The following DPP10 variants were observed in gnomAD, a reference collection of about 807,000 sequenced individuals.
DPP10 encodes the protein dipeptidyl peptidase like 10, also known as inactive dipeptidyl peptidase 10.
Under a neutral mutation model 120.9 loss-of-function variants are expected in DPP10, and 33 were observed. That is an observed-to-expected ratio of 0.27 (90% CI 0.21 to 0.37). The LOEUF is 0.37. Ranked by LOEUF, DPP10 falls within the 10% of genes least tolerant of loss-of-function variation. The pLI, the probability that DPP10 is intolerant of heterozygous loss-of-function variation, is 1.00. For synonymous variants in DPP10, 337 were observed against 326.1 expected (o/e 1.03, Z -0.36); for missense variants, 816 against 942.8 (o/e 0.87, Z 1.76).
intron 1 of DPP10, among the ~76,000 whole-genome samples, chr2:114,454,842 C>A (rs77838437): frequency 0.044 from 6,771 of 152,190 alleles, 197 homozygotes; most frequent in Middle Eastern, 0.085. Flanking sequence ...CTACCTTCCA[C>A]TATATATTGA....
At chr2:115,328,379 A>G (rs953196024) in intron 2 of DPP10, among the ~76,000 whole-genome samples, 1 of 152,104 alleles carries the variant, frequency 6.6e-6, no homozygotes, top group African/African-American at 2.4e-5. Flanking sequence ...ATGATTGACT[A>G]ATTTGGCTAA....
rs536601698 is a variant in DPP10, at chr2:115,581,327, A to G, written c.441+55355A>G. 3.9e-4 allele frequency among the ~76,000 whole-genome samples: 60 copies of G among 152,294 alleles called. 1 individual carries two copies. The highest frequency in any genetic ancestry group is 1.4e-3 in the African/African-American group (58 of 41,574). On this transcript the variant is annotated intron_variant, in intron 5 of 25. Transcript: ENST00000410059. ...TGCTATTTTCCTAGTATTTTTACAT[A>G]CATTGTTTCATTTTACTTCATAATG... is the stretch of plus-strand genomic sequence containing the variant.
At chr2:115,804,429 C>T (rs191776273) in intron 19 of DPP10, among the ~76,000 whole-genome samples, 12 of 152,346 alleles carry the variant, frequency 7.9e-5, no homozygotes, top group Admixed American at 3.9e-4. Flanking sequence ...CCTCTCTCAA[C>T]TTGTCAAAGT....
At chr2:114,588,511 T>C (rs1482859982) in intron 1 of DPP10, among the ~76,000 whole-genome samples, 2 of 152,178 alleles carry the variant, frequency 1.3e-5, no homozygotes, top group Non-Finnish European at 2.9e-5. Flanking sequence ...AAAGAAGATA[T>C]TGAATATTCC....
At chr2:115,255,805 A>G (rs1559321739) in intron 1 of DPP10, among the ~76,000 whole-genome samples, 1 of 152,208 alleles carries the variant, frequency 6.6e-6, no homozygotes, top group Non-Finnish European at 1.5e-5. Flanking sequence ...TATCACTATC[A>G]GATTTTGGTC....
chr2:115,652,754 C>G (rs1322533704), intron 5 of DPP10, among the ~76,000 whole-genome samples: 1 of 151,278 alleles, frequency 6.6e-6, no homozygotes, highest in East Asian at 1.9e-4. Context: ...TTGATTCAAG[C>G]CTCCATGGAT....
chr2:115,347,430 G>T (rs1055062321), intron 3 of DPP10, among the ~76,000 whole-genome samples: 2 of 152,106 alleles, frequency 1.3e-5, no homozygotes, highest in Non-Finnish European at 2.9e-5. Flanking sequence ...GCAGAGGAAG[G>T]TTAAAATATT....
At chr2:115,532,838 TGA>T (rs1406176903) in intron 5 of DPP10, among the ~76,000 whole-genome samples, 1 of 151,898 alleles carries the variant, frequency 6.6e-6, no homozygotes, top group Non-Finnish European at 1.5e-5. Context: ...TTCAGCATTC[TGA>T]GTCATGTATA....
chr2:115,472,307 G>C (rs2074780389), intron 3 of DPP10, among the ~76,000 whole-genome samples: 1 of 152,124 alleles, frequency 6.6e-6, no homozygotes. Flanking sequence ...AAATTTTGAA[G>C]AGGTCTGTGA....
intron 12 of DPP10, among the ~76,000 whole-genome samples, chr2:115,763,936 A>G (rs1475576039): frequency 6.6e-6 from 1 of 152,146 alleles, no homozygotes; most frequent in East Asian, 1.9e-4. Context: ...GGGACTTCAT[A>G]AGTGCCCTTC....
At chr2:114,634,432 G>A (rs994480773) in intron 1 of DPP10, among the ~76,000 whole-genome samples, 3 of 151,676 alleles carry the variant, frequency 2.0e-5, no homozygotes, top group Non-Finnish European at 2.9e-5. Flanking sequence ...TGAGGCAGAG[G>A]AGTTATTTGC....
chr2:115,409,069 A>G (rs1041441455), intron 3 of DPP10, among the ~76,000 whole-genome samples: 2 of 152,174 alleles, frequency 1.3e-5, no homozygotes, highest in Admixed American at 1.3e-4. Context: ...TAGACTTTTA[A>G]TTAGATTGAC....
intron 2 of DPP10, among the ~76,000 whole-genome samples, chr2:115,341,489 A>T (rs2063444763): frequency 1.3e-5 from 2 of 152,090 alleles, no homozygotes. Flanking sequence ...GTTTGGATTC[A>T]CTTTCCAGTG....
chr2:114,654,925 T>C (rs936169197), intron 1 of DPP10, among the ~76,000 whole-genome samples: 2 of 152,166 alleles, frequency 1.3e-5, no homozygotes, highest in Admixed American at 6.5e-5. Flanking sequence ...CAAAAATGGG[T>C]GTGGAGTTCT....
At chr2:115,347,917 A>G (rs1162249801) in intron 3 of DPP10, among the ~76,000 whole-genome samples, 2 of 152,114 alleles carry the variant, frequency 1.3e-5, no homozygotes, top group Non-Finnish European at 1.5e-5. Flanking sequence ...AGTCTTTGCT[A>G]TTGTGAGTAG....
At chr2:115,380,573 G>A (rs1387115413) in intron 3 of DPP10, among the ~76,000 whole-genome samples, 12 of 151,822 alleles carry the variant, frequency 7.9e-5, no homozygotes, top group African/African-American at 1.9e-4. Flanking sequence ...ATATTGTTAT[G>A]TGTGAATTTG....
At chr2:115,054,084 G>A (rs1298504458) in intron 1 of DPP10, among the ~76,000 whole-genome samples, 1 of 152,144 alleles carries the variant, frequency 6.6e-6, no homozygotes, top group Admixed American at 6.5e-5. Flanking sequence ...GGATAGAGCA[G>A]CTAATATGTT....
At position 114,619,186 on chromosome 2, in the gene DPP10, C is replaced by T. The variant is rs181016797; in HGVS notation, c.60+176348C>T. Among the ~76,000 whole-genome samples the T allele has an allele frequency of 4.3e-4, 65 of 151,938 alleles. 1 individual carries two copies. The highest frequency in any genetic ancestry group is 1.9e-3 in the South Asian group (9 of 4,822). ...TGGATTATGATGAGGAAACAGGAAG[C>T]GTTTCAGAATATGTTATCCACATGT... On this transcript the variant is annotated intron_variant, in intron 1 of 25. Coordinates refer to ENST00000410059, the MANE Select transcript of DPP10 (RefSeq NM_020868.6).
chr2:115,339,088 A>G (rs547748337), intron 2 of DPP10, among the ~76,000 whole-genome samples: 2 of 152,318 alleles, frequency 1.3e-5, no homozygotes, highest in South Asian at 2.1e-4. Flanking sequence ...TAGACGAAGA[A>G]CTCATCAAAT....
Sources: allele counts gnomAD v4.1 joint callset (sites outside exome capture counted in the v4.1 genomes callset), GRCh38; gene constraint gnomAD v4.1.1; transcripts MANE v1.5; gene names NCBI Gene and HGNC (gene_info 2026-07-23, HGNC 2026-07-21).